CDC42SE2: variants seen among roughly 807,000 people sequenced by gnomAD.
CDC42SE2 encodes the protein CDC42 small effector protein 2.
In CDC42SE2, 3 loss-of-function variants were observed where a neutral mutation model predicts 11.5. That is an observed-to-expected ratio of 0.26 (90% CI 0.12 to 0.67). The LOEUF (loss-of-function observed/expected upper bound fraction) is 0.67, where lower values mean the gene tolerates loss of function less well. Ranked by LOEUF, CDC42SE2 falls within the 30% of genes least tolerant of loss-of-function variation. The pLI, the probability that CDC42SE2 is intolerant of heterozygous loss-of-function variation, is 0.80. For synonymous variants in CDC42SE2, 33 were observed against 34.8 expected (o/e 0.95, Z 0.18); for missense variants, 82 against 106.8 (o/e 0.77, Z 1.02).
At position 131,393,298 on chromosome 5, in the gene CDC42SE2, A is replaced by T. The variant is rs1750722561; in HGVS notation, c.*2207A>T. 1 of 152,324 alleles carries T rather than the reference A, an allele frequency of 6.6e-6. No individual in the cohort carries two copies. The highest frequency in any genetic ancestry group is 1.5e-5 in the Non-Finnish European group (1 of 68,034). The allele number at this position is 152,324 out of a possible 1,614,324, so 9.4% of individuals were successfully genotyped here. A position where few individuals can be genotyped will look rare whatever the true frequency, so the allele number is the denominator to read the frequency against. ...ACAAACATTAGGTTTATGTAGGTAAAATGTGAAAGCATTTCTCCTCCACTT... is the reference window on the plus strand; with the variant it reads ...ACAAACATTAGGTTTATGTAGGTAATATGTGAAAGCATTTCTCCTCCACTT... On this transcript the variant is annotated 3_prime_UTR_variant, in exon 5 of 5. Transcript: ENST00000505065.
chr5:131,248,136 T>A (rs913617704), intron 1 of CDC42SE2, among the ~76,000 whole-genome samples: 9 of 151,344 alleles, frequency 5.9e-5, no homozygotes, highest in African/African-American at 1.5e-4. Context: ...TCCTTTTTTT[T>A]ATTTTTTTAT....
At chr5:131,218,356 C>T in the CDC42SE2 span, among the ~76,000 whole-genome samples, 1 of 151,996 alleles carries the variant, frequency 6.6e-6, no homozygotes, top group East Asian at 1.9e-4. Flanking sequence ...TCACTACATG[C>T]CCCCCAAAAT....
At chr5:131,378,585 T>TA (rs1750222727) in intron 3 of CDC42SE2, among the ~76,000 whole-genome samples, 1 of 152,242 alleles carries the variant, frequency 6.6e-6, no homozygotes, top group Admixed American at 6.5e-5. Flanking sequence ...ACAGACTTGT[T>TA]TATTAACTAA....
intron 1 of CDC42SE2, among the ~76,000 whole-genome samples, chr5:131,265,595 T>C (rs1015625331): frequency 6.6e-6 from 1 of 152,232 alleles, no homozygotes; most frequent in Non-Finnish European, 1.5e-5. Flanking sequence ...TTCCTTATTA[T>C]TGATGTCGCA....
the CDC42SE2 span, among the ~76,000 whole-genome samples, chr5:131,238,157 GA>G: frequency 6.6e-6 from 1 of 151,564 alleles, no homozygotes; most frequent in African/African-American, 2.4e-5. Flanking sequence ...AGGGCAAGGG[GA>G]GGGAGAGCAC....
intron 1 of CDC42SE2, among the ~76,000 whole-genome samples, chr5:131,247,424 T>C (rs922922612): frequency 2.0e-4 from 31 of 151,928 alleles, no homozygotes; most frequent in African/African-American, 7.3e-4. Context: ...CAAGACCAGT[T>C]TGGCCATCAT....
intron 3 of CDC42SE2, among the ~76,000 whole-genome samples, chr5:131,382,326 C>G (rs1219641375): frequency 1.3e-5 from 2 of 152,174 alleles, no homozygotes; most frequent in Non-Finnish European, 2.9e-5. Flanking sequence ...ACAAGCATAT[C>G]TATTCATTCT....
At chr5:131,259,466 A>C (rs1386524661), upstream of CDC42SE2, among the ~76,000 whole-genome samples, 1 of 149,634 alleles carries the variant, frequency 6.7e-6, no homozygotes, top group African/African-American at 2.6e-5. Flanking sequence ...AAGTATAGAA[A>C]GCTTTGTAGT....
At position 131,336,995 on chromosome 5, in the gene CDC42SE2, G is replaced by T. The variant is rs527745453; in HGVS notation, c.-286+20851G>T. ...CGTCAGTCATTCTCTGTCCAGCTTT[G>T]TTCCGTTGCTGGTGAGGAGCTGCGT... is the stretch of plus-strand genomic sequence containing the variant. On this transcript the variant is annotated intron_variant, in intron 2 of 4. Coordinates refer to ENST00000505065, the MANE Select transcript of CDC42SE2 (RefSeq NM_001375635.1). Among the ~76,000 whole-genome samples, 40 of 152,302 alleles carry T rather than the reference G, an allele frequency of 2.6e-4. No individual in the cohort carries two copies. The Middle Eastern group carries it at 0.024, about 91-fold the overall frequency.
intron 2 of CDC42SE2, among the ~76,000 whole-genome samples, chr5:131,339,778 C>G (rs1758664908): frequency 6.7e-6 from 1 of 148,874 alleles, no homozygotes; most frequent in South Asian, 2.1e-4. Flanking sequence ...CCACTGCACT[C>G]TAGCCTGAAT....
At chr5:131,308,351 TGTA>T (rs1437097330) in intron 1 of CDC42SE2, among the ~76,000 whole-genome samples, 1 of 151,832 alleles carries the variant, frequency 6.6e-6, no homozygotes, top group African/African-American at 2.4e-5. Flanking sequence ...ACTGTAGCCT[TGTA>T]GTATAGTTTG....
intron 1 of CDC42SE2, among the ~76,000 whole-genome samples, chr5:131,302,699 G>A (rs1247486861): frequency 3.9e-5 from 6 of 152,154 alleles, no homozygotes; most frequent in African/African-American, 1.4e-4. Context: ...TCTCTTAGGA[G>A]TGGGTTTGTT....
chr5:131,292,874 C>A (rs1018131082), intron 1 of CDC42SE2, among the ~76,000 whole-genome samples: 3 of 132,912 alleles, frequency 2.3e-5, no homozygotes, highest in Admixed American at 8.1e-5. Flanking sequence ...ATTGCACCCA[C>A]TCAGCCTGGG....
At chr5:131,288,542 T>A (rs1050630687) in intron 1 of CDC42SE2, among the ~76,000 whole-genome samples, 2 of 152,186 alleles carry the variant, frequency 1.3e-5, no homozygotes, top group African/African-American at 4.8e-5. Flanking sequence ...TGGTCCAGGC[T>A]GAAGTGCAGT....
chr5:131,265,131 T>C (rs1056832595), intron 1 of CDC42SE2, among the ~76,000 whole-genome samples: 6 of 152,228 alleles, frequency 3.9e-5, no homozygotes, highest in Admixed American at 2.6e-4. Context: ...ATTTTTGATA[T>C]ACGTTTTTTA....
intron 2 of CDC42SE2, among the ~76,000 whole-genome samples, chr5:131,345,836 G>C (rs1323412122): frequency 6.6e-6 from 1 of 152,150 alleles, no homozygotes; most frequent in Non-Finnish European, 1.5e-5. Context: ...GAGAGTGGGG[G>C]CCAATATTCA....
chr5:131,347,469 T>C (rs1758877108), intron 2 of CDC42SE2, among the ~76,000 whole-genome samples: 1 of 152,154 alleles, frequency 6.6e-6, no homozygotes, highest in Non-Finnish European at 1.5e-5. Flanking sequence ...AATCCCTGAA[T>C]AGACCAATAA....
the CDC42SE2 span, among the ~76,000 whole-genome samples, chr5:131,214,288 A>G: frequency 0.017 from 2,604 of 152,262 alleles, 76 homozygotes; most frequent in African/African-American, 0.059. Context: ...CCTTGAGCCC[A>G]GGGAGTTCAA....
At chr5:131,336,802 G>C (rs1442235485) in intron 2 of CDC42SE2, among the ~76,000 whole-genome samples, 1 of 152,164 alleles carries the variant, frequency 6.6e-6, no homozygotes, top group African/African-American at 2.4e-5. Flanking sequence ...TAGTCCTTGT[G>C]CTGTGGTTTT....
Sources: allele counts gnomAD v4.1 joint callset (sites outside exome capture counted in the v4.1 genomes callset), GRCh38; gene constraint gnomAD v4.1.1; transcripts MANE v1.5; gene names NCBI Gene and HGNC (gene_info 2026-07-23, HGNC 2026-07-21).